Variants in TMEM117 observed in about 807,000 individuals in gnomAD.
TMEM117 encodes transmembrane protein 117.
In TMEM117, 27 loss-of-function variants were observed where a neutral mutation model predicts 52.4. The observed-to-expected ratio is 0.51, with a 90% CI of 0.38 to 0.71. The LOEUF (loss-of-function observed/expected upper bound fraction) is 0.71, where lower values mean the gene tolerates loss of function less well. Ranked by LOEUF, TMEM117 falls within the 30% of genes least tolerant of loss-of-function variation. The probability of loss-of-function intolerance (pLI) is 0.00; values close to 1 mark genes in which losing one functional copy is unlikely to be tolerated. For missense variants in TMEM117, 556 were observed against 630.5 expected (o/e 0.88, Z 1.26); for synonymous variants, 215 against 206.3 (o/e 1.04, Z -0.36).
intron 6 of TMEM117, among the ~76,000 whole-genome samples, chr12:44,324,716 C>A (rs1375194291): frequency 4.6e-5 from 7 of 152,082 alleles, no homozygotes; most frequent in Admixed American, 3.3e-4. Context: ...TACTGTTTTG[C>A]AAACCTGCTT....
chr12:44,285,134 G>A (rs1950623012), intron 5 of TMEM117, among the ~76,000 whole-genome samples: 12 of 152,272 alleles, frequency 7.9e-5, no homozygotes, highest in Admixed American at 7.8e-4. Context: ...TACAATCTGA[G>A]TGACCAAATG....
At chr12:44,122,625 C>T (rs559990033) in intron 3 of TMEM117, among the ~76,000 whole-genome samples, 10 of 152,304 alleles carry the variant, frequency 6.6e-5, no homozygotes, top group Non-Finnish European at 1.5e-4. Flanking sequence ...CATGCATTCT[C>T]ATCATTCAGC....
chr12:44,387,285 A>G (rs2138875027), intron 7 of TMEM117, among the ~76,000 whole-genome samples: 1 of 151,944 alleles, frequency 6.6e-6, no homozygotes, highest in East Asian at 1.9e-4. Context: ...CCATTTGCAA[A>G]TGTAAAAATA....
intron 3 of TMEM117, among the ~76,000 whole-genome samples, chr12:44,069,780 A>T (rs949942554): frequency 3.3e-5 from 5 of 152,250 alleles, no homozygotes; most frequent in African/African-American, 9.6e-5. Context: ...TAATTTAAAC[A>T]AACAGAGAAT....
At chr12:44,296,774 A>G in intron 5 of TMEM117, among the ~76,000 whole-genome samples, 1 of 152,176 alleles carries the variant, frequency 6.6e-6, no homozygotes, top group Admixed American at 6.5e-5. Flanking sequence ...GTCGACAGCT[A>G]GGGCTGAGAT....
chr12:44,165,031 A>T (rs936073170), intron 4 of TMEM117, among the ~76,000 whole-genome samples: 4 of 152,040 alleles, frequency 2.6e-5, no homozygotes, highest in Non-Finnish European at 4.4e-5. Context: ...CTATCTGTAC[A>T]TTTGTACCCA....
intron 3 of TMEM117, among the ~76,000 whole-genome samples, chr12:44,091,024 G>C (rs1031758836): frequency 2.4e-4 from 37 of 152,040 alleles, no homozygotes; most frequent in African/African-American, 8.0e-4. Context: ...TTACATATTA[G>C]TCCGTTTTCA....
chr12:44,249,720 A>G (rs1253997487), intron 5 of TMEM117, among the ~76,000 whole-genome samples: 1 of 152,160 alleles, frequency 6.6e-6, no homozygotes, highest in Non-Finnish European at 1.5e-5. Context: ...TCAACAAACC[A>G]TGTAAAAACA....
intron 4 of TMEM117, among the ~76,000 whole-genome samples, chr12:44,178,290 A>G (rs1949143659): frequency 6.6e-6 from 1 of 152,222 alleles, no homozygotes; most frequent in Middle Eastern, 3.2e-3. Context: ...CTACTAAGCC[A>G]TGCCACTCCC....
chr12:44,382,855 AC>A (rs1952039077), intron 7 of TMEM117, among the ~76,000 whole-genome samples: 1 of 152,162 alleles, frequency 6.6e-6, no homozygotes, highest in Non-Finnish European at 1.5e-5. Context: ...CCTCCTCATG[AC>A]CCAAGCACTT....
intron 3 of TMEM117, among the ~76,000 whole-genome samples, chr12:44,002,312 C>A (rs1946128449): frequency 6.6e-6 from 1 of 152,166 alleles, no homozygotes; most frequent in South Asian, 2.1e-4. Flanking sequence ...GAGGGCCTCC[C>A]TAATGGAGGC....
chr12:43,885,195 C>T (rs1943969616), intron 2 of TMEM117, among the ~76,000 whole-genome samples: 1 of 152,152 alleles, frequency 6.6e-6, no homozygotes, highest in Non-Finnish European at 1.5e-5. Context: ...GGATGTCCAC[C>T]TGACCTCTTT....
chr12:44,052,561 G>A (rs1431939604), intron 3 of TMEM117, among the ~76,000 whole-genome samples: 2 of 152,116 alleles, frequency 1.3e-5, no homozygotes, highest in South Asian at 2.1e-4. Flanking sequence ...CGTGATGTGG[G>A]TGAATAAACC....
chr12:44,101,061 C>T (rs1947852531), intron 3 of TMEM117, among the ~76,000 whole-genome samples: 2 of 151,872 alleles, frequency 1.3e-5, no homozygotes, highest in African/African-American at 4.8e-5. Flanking sequence ...TTGCTGCATC[C>T]TTACATAGTA....
intron 5 of TMEM117, among the ~76,000 whole-genome samples, chr12:44,250,003 A>G (rs1950177682): frequency 6.6e-6 from 1 of 152,236 alleles, no homozygotes; most frequent in Non-Finnish European, 1.5e-5. Flanking sequence ...GGATCTAATT[A>G]AACTAAAGAA....
At chr12:44,126,164 C>T (rs1948321655) in intron 3 of TMEM117, among the ~76,000 whole-genome samples, 1 of 151,998 alleles carries the variant, frequency 6.6e-6, no homozygotes. Context: ...TCCAATCCAC[C>T]ATTAATGGGC....
At chr12:44,387,811 C>A (rs955644808) in intron 7 of TMEM117, among the ~76,000 whole-genome samples, 2 of 152,040 alleles carry the variant, frequency 1.3e-5, no homozygotes, top group African/African-American at 2.4e-5. Context: ...GGCTCAGGGA[C>A]CTACAGTTGT....
Position 44,123,156 on chromosome 12 carries a change from A to G in TMEM117, c.411-20369A>G, listed in dbSNP as rs1006761002. Among the ~76,000 whole-genome samples the G allele has an allele frequency of 5.3e-5, 8 of 151,996 alleles. 1 individual carries two copies. The highest frequency in any genetic ancestry group is 1.9e-4 in the African/African-American group (8 of 41,370). On this transcript the variant is annotated intron_variant, in intron 3 of 7. Transcript: ENST00000266534. ...TGGTTTTGATTTGCATTTCTCTAAT[A>G]ATCGTTGTTGAGCTTTTTTTCATGT...
intron 2 of TMEM117, among the ~76,000 whole-genome samples, chr12:43,907,122 G>A (rs1324029063): frequency 2.0e-5 from 3 of 152,142 alleles, no homozygotes; most frequent in African/African-American, 7.2e-5. Flanking sequence ...GAGAGCAGTG[G>A]TTCTCCCAGC....
Sources: allele counts gnomAD v4.1 joint callset (sites outside exome capture counted in the v4.1 genomes callset), GRCh38; gene constraint gnomAD v4.1.1; transcripts MANE v1.5; gene names NCBI Gene and HGNC (gene_info 2026-07-23, HGNC 2026-07-21).